Variants in PSD3 observed in about 807,000 individuals in gnomAD.
PSD3 encodes the protein pleckstrin and Sec7 domain containing 3.
PSD3 carries 49 observed loss-of-function variants against 105.5 expected under a neutral mutation model. The ratio of observed to expected loss-of-function variants is 0.46; its 90% CI spans 0.37 to 0.59. The LOEUF (loss-of-function observed/expected upper bound fraction) is 0.59, where lower values mean the gene tolerates loss of function less well. Ranked by LOEUF, PSD3 falls within the 20% of genes least tolerant of loss-of-function variation. The pLI, the probability that PSD3 is intolerant of heterozygous loss-of-function variation, is 0.00. For synonymous variants in PSD3, 557 were observed against 457.8 expected (o/e 1.22, Z -2.77); for missense variants, 1,561 against 1,263.8 (o/e 1.24, Z -3.57).
chr8:18,793,287 G>A (rs909537070), intron 8 of PSD3, among the ~76,000 whole-genome samples: 7 of 149,824 alleles, frequency 4.7e-5, no homozygotes, highest in East Asian at 2.0e-4. Context: ...AAACCTGCAC[G>A]TTGTGCACAT....
intron 2 of PSD3, among the ~76,000 whole-genome samples, chr8:18,920,574 T>C (rs1820944149): frequency 1.3e-5 from 2 of 152,230 alleles, no homozygotes; most frequent in African/African-American, 4.8e-5. Context: ...ATTTACATGG[T>C]AGTTACAGTC....
In PSD3 at chr8:18,545,323, T is replaced by G. The variant is rs548751193; in HGVS notation, c.2929-9365A>C. 4.5e-4 allele frequency among the ~76,000 whole-genome samples: 68 copies of G among 152,324 alleles called. 2 individuals carry two copies. In the South Asian group the frequency reaches 0.014, roughly 31 times the overall value. On this transcript the variant is annotated intron_variant, in intron 15 of 15. Coordinates refer to ENST00000327040, the MANE Select transcript of PSD3 (RefSeq NM_015310.4). Reference sequence around the variant, plus strand: ...CAAACAGAGCAACCTTACGAAGATCTGCCACCCACAAGGCCTCTGGCTCTG... The same window carrying G: ...CAAACAGAGCAACCTTACGAAGATCGGCCACCCACAAGGCCTCTGGCTCTG...
intron 1 of PSD3, among the ~76,000 whole-genome samples, chr8:19,068,554 G>T (rs76540003): frequency 0.011 from 1,725 of 152,224 alleles, 33 homozygotes; most frequent in African/African-American, 0.039. Context: ...GCCTCCCAAG[G>T]TGCTGGGATT....
intron 1 of PSD3, among the ~76,000 whole-genome samples, chr8:18,992,146 T>C (rs1825840161): frequency 6.6e-6 from 1 of 152,170 alleles, no homozygotes; most frequent in African/African-American, 2.4e-5. Flanking sequence ...AGTTTCAGGC[T>C]TTATTGTGAA....
In PSD3 at chr8:18,560,263, G is replaced by A. The variant is rs183836541; in HGVS notation, c.2785-3911C>T. Among the ~76,000 whole-genome samples the A allele has an allele frequency of 3.2e-3, 492 of 151,578 alleles. 4 individuals are homozygous for A. The highest frequency in any genetic ancestry group is 0.011 in the African/African-American group (440 of 41,240). ...ACAAAAAACAATGGTAAAAAACAACGGGAGAGAGGCTGCAGCCATGGAGAT... is the reference window on the plus strand; with the variant it reads ...ACAAAAAACAATGGTAAAAAACAACAGGAGAGAGGCTGCAGCCATGGAGAT... On this transcript the variant is annotated intron_variant, in intron 14 of 15. Transcript: ENST00000327040.
chr8:18,974,105 T>C (rs1824797544), intron 1 of PSD3, among the ~76,000 whole-genome samples: 1 of 152,222 alleles, frequency 6.6e-6, no homozygotes, highest in South Asian at 2.1e-4. Context: ...ACGAAAATAC[T>C]AATAACCATA....
At chr8:18,765,775 A>G (rs1806934332) in intron 8 of PSD3, among the ~76,000 whole-genome samples, 1 of 152,010 alleles carries the variant, frequency 6.6e-6, no homozygotes. Context: ...GTCCACTACT[A>G]ACATGTTTAG....
chr8:18,656,477 T>C (rs1164529869), intron 9 of PSD3, among the ~76,000 whole-genome samples: 2 of 143,234 alleles, frequency 1.4e-5, no homozygotes, highest in Non-Finnish European at 3.0e-5. Flanking sequence ...AGTTTTAGAG[T>C]TTCGATACCA....
At chr8:18,970,345 A>AAG (rs1554556373) in intron 1 of PSD3, among the ~76,000 whole-genome samples, 74 of 145,202 alleles carry the variant, frequency 5.1e-4, no homozygotes, top group Non-Finnish European at 8.8e-4. Context: ...AAAAAAAAAA[A>AAG]AAACAAAGAA....
At chr8:18,953,566 T>A (rs59751060) in intron 1 of PSD3, among the ~76,000 whole-genome samples, 19,285 of 151,972 alleles carry the variant, frequency 0.13, 1,348 homozygotes, top group Non-Finnish European at 0.17. Flanking sequence ...CTGGCCAACA[T>A]GTTAAAACCC....
chr8:18,562,601 G>C (rs1480490262), intron 14 of PSD3, among the ~76,000 whole-genome samples: 1 of 152,068 alleles, frequency 6.6e-6, no homozygotes, highest in Non-Finnish European at 1.5e-5. Flanking sequence ...CAAAACCTCT[G>C]TTACAGGCTG....
At chr8:18,746,155 T>C (rs545720267) in intron 9 of PSD3, among the ~76,000 whole-genome samples, 29 of 152,336 alleles carry the variant, frequency 1.9e-4, no homozygotes, top group African/African-American at 6.7e-4. Flanking sequence ...CCTTTCCTAA[T>C]TGGTTTCCTA....
At chr8:18,857,400 G>T (rs566505119) in intron 4 of PSD3, among the ~76,000 whole-genome samples, 1 of 152,294 alleles carries the variant, frequency 6.6e-6, no homozygotes, top group South Asian at 2.1e-4. Flanking sequence ...TCCAGGTGAT[G>T]TCTGTTAGTC....
At chr8:18,787,475 A>G (rs1230742573) in intron 8 of PSD3, among the ~76,000 whole-genome samples, 2 of 152,134 alleles carry the variant, frequency 1.3e-5, no homozygotes, top group East Asian at 1.9e-4. Context: ...ATATCAAATA[A>G]CAAAATAGAT....
At chr8:18,815,350 C>T (rs1469916286) in intron 4 of PSD3, among the ~76,000 whole-genome samples, 1 of 151,938 alleles carries the variant, frequency 6.6e-6, no homozygotes, top group Non-Finnish European at 1.5e-5. Flanking sequence ...GCTCTGTTGC[C>T]CAGGCTGGAG....
chr8:18,978,838 C>A (rs1825094584), intron 1 of PSD3, among the ~76,000 whole-genome samples: 1 of 152,086 alleles, frequency 6.6e-6, no homozygotes, highest in South Asian at 2.1e-4. Context: ...TCTCTTTCAA[C>A]CTCTCTCCCT....
At chr8:18,702,370 T>C (rs1235968331) in intron 9 of PSD3, among the ~76,000 whole-genome samples, 1 of 152,210 alleles carries the variant, frequency 6.6e-6, no homozygotes, top group Non-Finnish European at 1.5e-5. Flanking sequence ...ATGGAAATCA[T>C]GTAAAATGTT....
chr8:18,830,642 T>TA lies in PSD3; in HGVS notation c.1635-25745dup, dbSNP rs1174460763. ...TTGTTGGCTTTTGGGCAAACTTTTT[T>TA]AAAAAATGAGTTACCTAAAGAACAA... On this transcript the variant is annotated intron_variant, in intron 4 of 15. Transcript: ENST00000327040. 2.0e-5 allele frequency among the ~76,000 whole-genome samples: 3 copies of TA among 152,170 alleles called. No homozygotes were observed. The East Asian group carries it at 5.8e-4, about 29-fold the overall frequency.
chr8:18,811,008 G>A (rs781393636), intron 4 of PSD3, among the ~76,000 whole-genome samples: 2 of 152,202 alleles, frequency 1.3e-5, no homozygotes, highest in Non-Finnish European at 2.9e-5. Flanking sequence ...CATTATCTAT[G>A]GCATTTATTT....
Sources: gnomAD v4.1 joint callset for allele counts (sites outside exome capture counted in the v4.1 genomes callset) on GRCh38, gnomAD v4.1.1 for gene constraint, MANE v1.5 for transcripts, NCBI Gene and HGNC (gene_info 2026-07-23, HGNC 2026-07-21) for gene names.